Variants in AFTPH observed in about 807,000 individuals in gnomAD.
AFTPH encodes the protein aftiphilin, also known as aftiphilin protein.
Under a neutral mutation model 72.5 loss-of-function variants are expected in AFTPH, and 7 were observed. The observed-to-expected ratio is 0.10, with a 90% CI of 0.05 to 0.18. The LOEUF (loss-of-function observed/expected upper bound fraction) is 0.18, where lower values mean the gene tolerates loss of function less well. AFTPH is among the 10% of genes least tolerant of loss of function. AFTPH has a pLI of 1.00. For synonymous variants in AFTPH, 337 were observed against 370.1 expected (o/e 0.91, Z 1.03); for missense variants, 979 against 1,060.5 (o/e 0.92, Z 1.07).
chr2:64,573,120 T>A, intron 6 of AFTPH, 52 bp downstream of exon 6: 2 of 1,356,830 alleles, frequency 1.5e-6, no homozygotes, highest in Non-Finnish European at 2.1e-6. Context: ...TATACACATA[T>A]ATCCACACAT....
chr2:64,567,449 CT>C, intron 2 of AFTPH, 112 bp from the exon 3 acceptor site: 1 of 1,066,088 alleles, frequency 9.4e-7, no homozygotes, highest in Non-Finnish European at 1.3e-6. Flanking sequence ...TGATGGTTCT[CT>C]TCCTCTCTCA....
intron 8 of AFTPH, among the ~76,000 whole-genome samples, chr2:64,589,160 A>C (rs1014392794): frequency 1.2e-4 from 19 of 152,182 alleles, no homozygotes; most frequent in African/African-American, 4.6e-4. Context: ...TTTTCTCCTA[A>C]GAGTTTTATA....
chr2:64,573,618 A>T (rs1177378273), intron 6 of AFTPH, among the ~76,000 whole-genome samples: 1 of 152,164 alleles, frequency 6.6e-6, no homozygotes, highest in Non-Finnish European at 1.5e-5. Context: ...CTCGAAAATG[A>T]TGTGACCTTT....
At chr2:64,565,595 A>G (rs1334374527) in intron 2 of AFTPH, among the ~76,000 whole-genome samples, 1 of 151,724 alleles carries the variant, frequency 6.6e-6, no homozygotes, top group African/African-American at 2.4e-5. Flanking sequence ...TTACTGCTCT[A>G]CCTCAAGGGG....
intron 1 of AFTPH, among the ~76,000 whole-genome samples, chr2:64,549,688 G>A (rs977856429): frequency 1.3e-5 from 2 of 151,724 alleles, no homozygotes; most frequent in African/African-American, 4.8e-5. Context: ...TTTCATTTAA[G>A]AATTAAATGT....
intron 5 of AFTPH, among the ~76,000 whole-genome samples, chr2:64,570,876 C>T (rs962033317): frequency 8.9e-5 from 13 of 146,216 alleles, no homozygotes; most frequent in Non-Finnish European, 1.4e-4. Flanking sequence ...AATATTTTTA[C>T]TATTTCTATG....
At chr2:64,567,684 A>G (rs756987275) in exon 3 of AFTPH, 2 of 1,613,628 alleles carry the variant, frequency 1.2e-6, no homozygotes, top group South Asian at 2.2e-5. Flanking sequence ...CTTTGCCAAT[A>G]AAAACGAGAG....
At chr2:64,567,090 A>G (rs1478276462) in intron 2 of AFTPH, among the ~76,000 whole-genome samples, 2 of 152,216 alleles carry the variant, frequency 1.3e-5, no homozygotes, top group African/African-American at 4.8e-5. Flanking sequence ...CTATAATAGC[A>G]TAATACTTCC....
At chr2:64,571,942 G>T (rs909518270) in intron 5 of AFTPH, among the ~76,000 whole-genome samples, 1 of 152,132 alleles carries the variant, frequency 6.6e-6, no homozygotes, top group Non-Finnish European at 1.5e-5. Flanking sequence ...TAGGCCGGGC[G>T]TGGTGGCTCA....
chr2:64,588,896 T>C (rs933809733), intron 8 of AFTPH, among the ~76,000 whole-genome samples: 1 of 152,188 alleles, frequency 6.6e-6, no homozygotes, highest in Non-Finnish European at 1.5e-5. Flanking sequence ...TTTGCCTATA[T>C]TTTAATTGGA....
At chr2:64,551,899 A>T (rs1285173925) in exon 2 of AFTPH, 1 of 1,613,758 alleles carries the variant, frequency 6.2e-7, no homozygotes, top group East Asian at 2.2e-5. Context: ...GAGCAGAGAC[A>T]GAATGTTGGA....
At chr2:64,575,874 G>A (rs1001247946) in intron 6 of AFTPH, among the ~76,000 whole-genome samples, 4 of 151,596 alleles carry the variant, frequency 2.6e-5, no homozygotes, top group Admixed American at 2.0e-4. Context: ...ACGTAGCTGG[G>A]ACTACAGGCA....
intron 1 of AFTPH, among the ~76,000 whole-genome samples, chr2:64,536,567 A>T (rs1017483118): frequency 1.4e-4 from 6 of 41,598 alleles, no homozygotes; most frequent in Admixed American, 2.1e-4. Context: ...ACTCCATCTT[A>T]AAAAAAAAAA....
At chr2:64,558,473 C>T (rs1001518896) in intron 2 of AFTPH, among the ~76,000 whole-genome samples, 1 of 152,098 alleles carries the variant, frequency 6.6e-6, no homozygotes, top group African/African-American at 2.4e-5. Context: ...TAAATGTGAG[C>T]TATGCTCACA....
intron 1 of AFTPH, among the ~76,000 whole-genome samples, chr2:64,534,458 C>T (rs369885735): frequency 5.3e-5 from 8 of 152,238 alleles, no homozygotes; most frequent in African/African-American, 1.7e-4. Flanking sequence ...GAGTATTCAT[C>T]ACTTCTTACT....
At chr2:64,568,341 A>T (rs1345504001) in intron 3 of AFTPH, among the ~76,000 whole-genome samples, 1 of 151,782 alleles carries the variant, frequency 6.6e-6, no homozygotes, top group Non-Finnish European at 1.5e-5. Context: ...TTCTTCCTGG[A>T]CTTCTCTTTT....
chr2:64,585,303 A>G, intron 7 of AFTPH, 119 bp from the exon 9 acceptor site: 1 of 1,226,246 alleles, frequency 8.2e-7, no homozygotes, highest in South Asian at 1.3e-5. Flanking sequence ...TTCTAAAGAT[A>G]TGTTCTGTTT....
chr2:64,557,946 T>C (rs1033841005), intron 2 of AFTPH, among the ~76,000 whole-genome samples: 10 of 152,228 alleles, frequency 6.6e-5, no homozygotes, highest in Non-Finnish European at 1.3e-4. Context: ...GGAAAAATCA[T>C]GTTTAGATCT....
chr2:64,566,158 T>C (rs1421012184), intron 2 of AFTPH, among the ~76,000 whole-genome samples: 1 of 152,222 alleles, frequency 6.6e-6, no homozygotes, highest in Non-Finnish European at 1.5e-5. Flanking sequence ...CTGTCCGTTC[T>C]CTCTGTTGAG....
Sources: gnomAD v4.1 joint callset for allele counts (sites outside exome capture counted in the v4.1 genomes callset) on GRCh38, gnomAD v4.1.1 for gene constraint, MANE v1.5 for transcripts, NCBI Gene and HGNC (gene_info 2026-07-23, HGNC 2026-07-21) for gene names.